Variants in SYN3 observed in about 807,000 individuals in gnomAD.
SYN3 encodes synapsin-3.
In SYN3, 35 loss-of-function variants were observed where a neutral mutation model predicts 65.8. That is an observed-to-expected ratio of 0.53 (90% CI 0.41 to 0.70). The LOEUF is 0.70. SYN3 is among the 30% of genes least tolerant of loss of function. The pLI, the probability that SYN3 is intolerant of heterozygous loss-of-function variation, is 0.00. For missense variants in SYN3, 680 were observed against 749.0 expected, an observed-to-expected ratio of 0.91 and a Z score of 1.08; for synonymous variants, 270 against 292.9, an observed-to-expected ratio of 0.92 and a Z score of 0.80.
At chr22:32,586,770 C>T (rs2059049855) in intron 7 of SYN3, among the ~76,000 whole-genome samples, 1 of 152,072 alleles carries the variant, frequency 6.6e-6, no homozygotes, top group African/African-American at 2.4e-5. Flanking sequence ...AATTGGCAAA[C>T]ATGGAGTCTG....
rs1427384 is a variant in SYN3, at chr22:32,861,335, T to G, written c.711+3580A>C. ...CCGTGTACCTTTCCCATTGTGGTCA[T>G]GCCATTTGGCAGGGGGAGAATGGGA... On this transcript the variant is annotated intron_variant, in intron 6 of 13. Coordinates refer to ENST00000358763, the MANE Select transcript of SYN3 (RefSeq NM_003490.4). The G allele has an allele frequency of 1.3e-5, 2 of 152,294 alleles. No homozygotes were observed. The highest frequency in any genetic ancestry group is 4.1e-4 in the South Asian group (2 of 4,824). 9.4% of individuals were successfully genotyped at this position (152,294 alleles called of 1,614,324 possible).
intron 4 of SYN3, among the ~76,000 whole-genome samples, chr22:32,899,409 A>G (rs2049695929): frequency 6.6e-6 from 1 of 152,204 alleles, no homozygotes; most frequent in Non-Finnish European, 1.5e-5. Flanking sequence ...TCCTTTTGTA[A>G]GCAGGAGTGG....
At chr22:32,820,250 G>T (rs2047200026) in intron 6 of SYN3, among the ~76,000 whole-genome samples, 1 of 150,124 alleles carries the variant, frequency 6.7e-6, no homozygotes, top group South Asian at 2.2e-4. Context: ...CCCTGTGTGT[G>T]TGTGTGTGTG....
chr22:32,756,421 A>G (rs762810125), intron 6 of SYN3, among the ~76,000 whole-genome samples: 1 of 152,246 alleles, frequency 6.6e-6, no homozygotes, highest in Non-Finnish European at 1.5e-5. Flanking sequence ...TTAAAGTATA[A>G]TAAAAAATAA....
intron 6 of SYN3, among the ~76,000 whole-genome samples, chr22:32,640,481 G>T (rs2059880057): frequency 6.6e-6 from 1 of 152,198 alleles, no homozygotes; most frequent in Admixed American, 6.5e-5. Flanking sequence ...AGAACTAGGG[G>T]TTCCACTAAG....
At chr22:32,594,177 A>G (rs1392923281) in intron 7 of SYN3, among the ~76,000 whole-genome samples, 1 of 152,058 alleles carries the variant, frequency 6.6e-6, no homozygotes, top group Non-Finnish European at 1.5e-5. Context: ...TGATGGTTAA[A>G]GAGGGGTTCG....
At chr22:32,523,489 G>A (rs2146106896) in intron 12 of SYN3, among the ~76,000 whole-genome samples, 1 of 152,178 alleles carries the variant, frequency 6.6e-6, no homozygotes, top group East Asian at 1.9e-4. Context: ...CTCCAGCCTG[G>A]GCAAAAGAGC....
chr22:32,885,025 T>C lies in SYN3; in HGVS notation c.462-15900A>G, dbSNP rs75070342. Among the ~76,000 whole-genome samples the C allele has an allele frequency of 8.5e-5, 13 of 152,330 alleles. No individual in the cohort carries two copies. The East Asian group carries it at 2.1e-3, about 25-fold the overall frequency. On this transcript the variant is annotated intron_variant, in intron 4 of 13. Coordinates refer to ENST00000358763, the MANE Select transcript of SYN3 (RefSeq NM_003490.4). ...TTAGGTTGTTTCTAAGCTTTAGCTA[T>C]TAACAAACACTTCCGAGAATGAAAC...
At chr22:32,532,977 T>G (rs1329552271) in intron 10 of SYN3, among the ~76,000 whole-genome samples, 32 of 82,406 alleles carry the variant, frequency 3.9e-4, no homozygotes, top group Admixed American at 8.7e-4. Flanking sequence ...GGACATGGAG[T>G]GGGGGGGCAG....
intron 3 of SYN3, among the ~76,000 whole-genome samples, chr22:32,966,027 T>A (rs896340914): frequency 1.3e-5 from 2 of 152,140 alleles, no homozygotes; most frequent in Non-Finnish European, 2.9e-5. Flanking sequence ...CATTGTAACC[T>A]GAGCACGCAG....
chr22:33,022,969 C>G lies in SYN3; in HGVS notation c.-162-16145G>C, dbSNP rs1489231891. Among the ~76,000 whole-genome samples, 6 of 152,276 alleles carry G rather than the reference C, an allele frequency of 3.9e-5. No homozygotes were observed. The East Asian group carries it at 1.2e-3, about 29-fold the overall frequency. On this transcript the variant is annotated intron_variant, in intron 1 of 13. Coordinates refer to ENST00000358763, the MANE Select transcript of SYN3 (RefSeq NM_003490.4). ...TATAGAGCCCTACAGGCAGCACTAGCCAGGACTGGGGCCCAAGCTTTGAAT... is the reference window on the plus strand; with the variant it reads ...TATAGAGCCCTACAGGCAGCACTAGGCAGGACTGGGGCCCAAGCTTTGAAT...
At position 32,657,314 on chromosome 22, in the gene SYN3, G is replaced by T. The variant is rs1008261110; in HGVS notation, c.712-60578C>A. Among the ~76,000 whole-genome samples, 11 of 152,064 alleles carry T rather than the reference G, an allele frequency of 7.2e-5. No individual in the cohort carries two copies. The South Asian group carries it at 2.1e-3, about 29-fold the overall frequency. On this transcript the variant is annotated intron_variant, in intron 6 of 13. Transcript: ENST00000358763. Reference sequence around the variant, plus strand: ...GATTTTTTGTATTTTTAGTAGAGACGGGGTTTCACCATGTTAGCCAGGATG... The same window carrying T: ...GATTTTTTGTATTTTTAGTAGAGACTGGGTTTCACCATGTTAGCCAGGATG...
rs1027545103 is a variant in SYN3, at chr22:32,509,857, T to C, written c.*3835A>G. 2.6e-5 allele frequency among the ~76,000 whole-genome samples: 4 copies of C among 152,178 alleles called. No homozygotes were observed. The highest frequency in any genetic ancestry group is 6.5e-5 in the Admixed American group (1 of 15,280). On this transcript the variant is annotated 3_prime_UTR_variant, in exon 14 of 14. Transcript: ENST00000358763. ...TGCTGGGATTACTGATGTGAGCCAC[T>C]GCGCCTGGCCCCAGTGGGGAAATTA...
At position 32,869,130 on chromosome 22, in the gene SYN3, G is replaced by C; in HGVS notation, c.462-5C>G. 6.2e-7 allele frequency: 1 copy of C among 1,612,404 alleles called. No homozygotes were observed. Among genetic ancestry groups the C allele is most frequent in the Non-Finnish European group, 8.5e-7 (1 of 1,178,918 alleles). On this transcript the variant is annotated splice_region_variant and splice_polypyrimidine_tract_variant and intron_variant, in intron 4 of 13. Transcript: ENST00000358763. ...AAGTCTGGCTTGAAGGATCTGCTGA[G>C]AAAGCCAACAGCAGTGTTACCACAC...
rs571568442 is a variant in SYN3, at chr22:32,650,297, C to T, written c.712-53561G>A. Among the ~76,000 whole-genome samples, 12 of 125,982 alleles carry T rather than the reference C, an allele frequency of 9.5e-5. No individual in the cohort carries two copies. In the East Asian group the frequency reaches 3.4e-3, roughly 36 times the overall value. The allele number at this position is 125,982 out of a possible 152,430, so 82.6% of individuals were successfully genotyped here. A position where few individuals can be genotyped will look rare whatever the true frequency, so the allele number is the denominator to read the frequency against. ...TCTCTTTCTTTTTGAGACAGAGTCT[C>T]ACTCTATCACCCAGGCTGGAGTGCA... On this transcript the variant is annotated intron_variant, in intron 6 of 13. Transcript: ENST00000358763.
At chr22:32,771,449 C>T (rs1354717260) in intron 6 of SYN3, among the ~76,000 whole-genome samples, 1 of 152,234 alleles carries the variant, frequency 6.6e-6, no homozygotes, top group African/African-American at 2.4e-5. Context: ...ACAGTGGCCC[C>T]TGCCCAGGCT....
intron 1 of SYN3, among the ~76,000 whole-genome samples, chr22:33,021,982 T>C (rs955999065): frequency 7.9e-5 from 12 of 152,162 alleles, no homozygotes; most frequent in African/African-American, 2.9e-4. Context: ...AGTTAAACTA[T>C]CTTCACTTGT....
At chr22:32,988,959 C>G (rs1183426400) in intron 2 of SYN3, among the ~76,000 whole-genome samples, 1 of 151,924 alleles carries the variant, frequency 6.6e-6, no homozygotes, top group African/African-American at 2.4e-5. Flanking sequence ...CCAGCCTCTG[C>G]TTCCTCTTCC....
intron 12 of SYN3, 91 bp downstream of exon 12, chr22:32,527,827 G>A: frequency 8.9e-7 from 1 of 1,121,640 alleles, no homozygotes; most frequent in Non-Finnish European, 1.3e-6. Flanking sequence ...CATTTTCCCA[G>A]AGCCCCTTGT....
Sources: gnomAD v4.1 joint callset for allele counts (sites outside exome capture counted in the v4.1 genomes callset) on GRCh38, gnomAD v4.1.1 for gene constraint, MANE v1.5 for transcripts, NCBI Gene and HGNC (gene_info 2026-07-23, HGNC 2026-07-21) for gene names.